DAW1: variants seen among roughly 807,000 people sequenced by gnomAD.
DAW1 encodes the protein dynein assembly factor with WD repeats 1, also known as dynein assembly factor with WD repeat domains 1.
A neutral mutation model predicts 56.5 loss-of-function variants in DAW1; 47 were observed. That is an observed-to-expected ratio of 0.83 (90% CI 0.66 to 1.06). The LOEUF (loss-of-function observed/expected upper bound fraction) is 1.06. DAW1 is among the 50% of genes least tolerant of loss of function. The probability of loss-of-function intolerance (pLI) is 0.00; values close to 1 mark genes in which losing one functional copy is unlikely to be tolerated. For missense variants in DAW1, 505 were observed against 499.3 expected, an observed-to-expected ratio of 1.01 and a Z score of -0.11; for synonymous variants, 190 against 179.0, an observed-to-expected ratio of 1.06 and a Z score of -0.49.
intron 10 of DAW1, chr2:227,912,557 C>T (rs1163515682): frequency 8.1e-7 from 1 of 1,228,216 alleles, no homozygotes; most frequent in Non-Finnish European, 1.0e-6. Flanking sequence ...CACTGGAGGT[C>T]TGGACATTGC....
chr2:227,892,291 C>T (rs1224009892), intron 4 of DAW1, among the ~76,000 whole-genome samples: 2 of 152,092 alleles, frequency 1.3e-5, no homozygotes, highest in Non-Finnish European at 2.9e-5. Context: ...TGCCACCACG[C>T]CCAGCTAATT....
At chr2:227,891,372 A>T in intron 4 of DAW1, 59 bp downstream of exon 4, 2 of 1,433,652 alleles carry the variant, frequency 1.4e-6, no homozygotes, top group Non-Finnish European at 2.0e-6. Flanking sequence ...GTGTTTATTT[A>T]TCAAAGATTC....
chr2:227,889,759 G>A (rs1424325792), intron 2 of DAW1, 97 bp from the exon 3 acceptor site: 6 of 1,008,836 alleles, frequency 5.9e-6, no homozygotes, highest in Non-Finnish European at 8.1e-6. Context: ...TTTTATAAAT[G>A]TGCTTCATGA....
chr2:227,881,810 TG>T lies in DAW1; in HGVS notation c.41-3539del, dbSNP rs1272072673. Among the ~76,000 whole-genome samples, 4 of 138,814 alleles carry T rather than the reference TG, an allele frequency of 2.9e-5. No homozygotes were observed. The Admixed American group carries it at 3.3e-4, about 11-fold the overall frequency. 91.1% of individuals were successfully genotyped at this position (138,814 alleles called of 152,430 possible). ...CTCTGTCGCCCAGGCTGGAGTGCAG[TG>T]GTGCAATCTTGTCTCACTGGAACCT... is the stretch of plus-strand genomic sequence containing the variant. On this transcript the variant is annotated intron_variant, in intron 1 of 12. Coordinates refer to ENST00000309931, the MANE Select transcript of DAW1 (RefSeq NM_178821.3).
chr2:227,875,375 T>G (rs1185178616), intron 1 of DAW1, among the ~76,000 whole-genome samples: 1 of 152,118 alleles, frequency 6.6e-6, no homozygotes, highest in Non-Finnish European at 1.5e-5. Context: ...GCTCCAGCCC[T>G]CCAATGACTT....
intron 1 of DAW1, among the ~76,000 whole-genome samples, chr2:227,881,217 C>G (rs765632040): frequency 2.6e-5 from 4 of 152,218 alleles, no homozygotes; most frequent in Non-Finnish European, 5.9e-5. Flanking sequence ...TTCCCATCAT[C>G]TACCAATTAG....
chr2:227,907,459 C>A (rs1022548225), intron 10 of DAW1, among the ~76,000 whole-genome samples: 1 of 152,126 alleles, frequency 6.6e-6, no homozygotes, highest in African/African-American at 2.4e-5. Flanking sequence ...ATGTCTGTGT[C>A]ACCTCCTACA....
At chr2:227,881,932 A>G (rs1215226613) in intron 1 of DAW1, among the ~76,000 whole-genome samples, 1 of 151,770 alleles carries the variant, frequency 6.6e-6, no homozygotes, top group East Asian at 1.9e-4. Context: ...CTGTATTTTT[A>G]TTAGAGACGG....
intron 1 of DAW1, among the ~76,000 whole-genome samples, chr2:227,877,687 T>G (rs1305703495): frequency 6.6e-6 from 1 of 152,242 alleles, no homozygotes; most frequent in Non-Finnish European, 1.5e-5. Flanking sequence ...GTAAAGAGTG[T>G]GCAGCCTAGA....
chr2:227,912,513 T>C (rs1691853991), intron 10 of DAW1: 2 of 1,293,398 alleles, frequency 1.5e-6, no homozygotes, highest in African/African-American at 3.0e-5. Flanking sequence ...TGATCATATA[T>C]AATGCTGCAC....
At chr2:227,903,369 G>C (rs562197499) in intron 7 of DAW1, among the ~76,000 whole-genome samples, 39 of 152,224 alleles carry the variant, frequency 2.6e-4, no homozygotes, top group African/African-American at 9.4e-4. Context: ...CATCTCTCTG[G>C]CTAAAAGGAA....
At chr2:227,901,992 T>C (rs900869922) in intron 6 of DAW1, among the ~76,000 whole-genome samples, 3 of 152,036 alleles carry the variant, frequency 2.0e-5, no homozygotes, top group Non-Finnish European at 2.9e-5. Flanking sequence ...GATCAGGAAG[T>C]TCCTACCTGA....
chr2:227,891,439 C>T (rs1163200356), intron 4 of DAW1, 126 bp downstream of exon 4: 2 of 764,002 alleles, frequency 2.6e-6, no homozygotes, highest in East Asian at 2.7e-5. Context: ...CCCTTGGATA[C>T]TGAGGAGAAA....
intron 10 of DAW1, among the ~76,000 whole-genome samples, chr2:227,908,803 T>C (rs1235100706): frequency 6.6e-6 from 1 of 152,204 alleles, no homozygotes; most frequent in Non-Finnish European, 1.5e-5. Flanking sequence ...ACTAAGTCTA[T>C]GTCATATCGA....
In DAW1 at chr2:227,885,318, A is replaced by G. The variant is rs774556350; in HGVS notation, c.41-33A>G. On this transcript the variant is annotated intron_variant, in intron 1 of 12. Coordinates refer to ENST00000309931, the MANE Select transcript of DAW1 (RefSeq NM_178821.3). ...ACTTTTGACATAGGTGGTTATCGTA[A>G]GTGTTTTATAACATGTTTGTTTATT... is the stretch of plus-strand genomic sequence containing the variant. 2.8e-6 allele frequency: 4 copies of G among 1,442,290 alleles called. No homozygotes were observed. In the Admixed American group the frequency reaches 8.6e-5, roughly 31 times the overall value. The allele number at this position is 1,442,290 out of a possible 1,614,324, so 89.3% of individuals were successfully genotyped here.
At position 227,877,809 on chromosome 2, in the gene DAW1, C is replaced by T. The variant is rs116168880; in HGVS notation, c.40+6080C>T. ...GCTCAGGCAGTAATGCTCACTTGCCCGCCACTCACCTCCTGCTGTGTGGCC... is the reference window on the plus strand; with the variant it reads ...GCTCAGGCAGTAATGCTCACTTGCCTGCCACTCACCTCCTGCTGTGTGGCC... On this transcript the variant is annotated intron_variant, in intron 1 of 12. Coordinates refer to ENST00000309931, the MANE Select transcript of DAW1 (RefSeq NM_178821.3). Among the ~76,000 whole-genome samples the T allele has an allele frequency of 9.5e-3, 1,455 of 152,356 alleles. 27 individuals are homozygous for T. The highest frequency in any genetic ancestry group is 0.033 in the African/African-American group (1,391 of 41,576).
At chr2:227,879,336 T>C (rs1249915886) in intron 1 of DAW1, among the ~76,000 whole-genome samples, 1 of 152,162 alleles carries the variant, frequency 6.6e-6, no homozygotes, top group Non-Finnish European at 1.5e-5. Context: ...GTTAGGGACT[T>C]TTTGTTTTGG....
chr2:227,915,914 T>A (rs930983327), intron 10 of DAW1, among the ~76,000 whole-genome samples: 1 of 152,150 alleles, frequency 6.6e-6, no homozygotes, highest in Admixed American at 6.5e-5. Context: ...GTAGTTCATC[T>A]CATTTAGGAC....
chr2:227,909,270 A>ATCTGTCTGTCTGTCTGTCTGTCTG (rs367916730), intron 10 of DAW1, among the ~76,000 whole-genome samples: 6 of 144,454 alleles, frequency 4.2e-5, no homozygotes, highest in African/African-American at 1.5e-4. Context: ...CTATCTATCT[A>ATCTGTCTGTCTGTCTGTCTGTCTG]TCTGTCTGTC....
Sources: allele counts gnomAD v4.1 joint callset (sites outside exome capture counted in the v4.1 genomes callset), GRCh38; gene constraint gnomAD v4.1.1; transcripts MANE v1.5; gene names NCBI Gene and HGNC (gene_info 2026-07-23, HGNC 2026-07-21).